The following ZMAT4 variants were observed in gnomAD, a reference collection of about 807,000 sequenced individuals.
The protein encoded by ZMAT4 is zinc finger matrin-type 4.
A neutral mutation model predicts 28.7 loss-of-function variants in ZMAT4; 17 were observed. The observed-to-expected ratio is 0.59, with a 90% confidence interval of 0.41 to 0.89. The LOEUF (loss-of-function observed/expected upper bound fraction) is 0.89. Ranked by LOEUF, ZMAT4 falls within the 40% of genes least tolerant of loss-of-function variation. The pLI is 0.00. For missense variants in ZMAT4, 240 were observed against 283.8 expected, an observed-to-expected ratio of 0.85 and a Z score of 1.11; for synonymous variants, 117 against 109.2, an observed-to-expected ratio of 1.07 and a Z score of -0.44.
intron 6 of ZMAT4, among the ~76,000 whole-genome samples, chr8:40,551,588 G>T (rs17556346): frequency 6.6e-6 from 1 of 152,048 alleles, no homozygotes; most frequent in Non-Finnish European, 1.5e-5. Context: ...ACCTCTGAGC[G>T]GGACAGATCT....
At chr8:40,737,661 G>C (rs111823174) in intron 3 of ZMAT4, among the ~76,000 whole-genome samples, 1 of 152,172 alleles carries the variant, frequency 6.6e-6, no homozygotes, top group African/African-American at 2.4e-5. Flanking sequence ...TAAATGAGAT[G>C]AGAAGCCTGC....
At chr8:40,790,658 T>C (rs1814286029) in intron 2 of ZMAT4, among the ~76,000 whole-genome samples, 1 of 152,138 alleles carries the variant, frequency 6.6e-6, no homozygotes, top group Admixed American at 6.5e-5. Flanking sequence ...TTGAGAGATA[T>C]ATTAATACTA....
chr8:40,590,474 G>C (rs776307985), intron 5 of ZMAT4, among the ~76,000 whole-genome samples: 7 of 151,970 alleles, frequency 4.6e-5, no homozygotes, highest in Non-Finnish European at 1.0e-4. Flanking sequence ...TTGTTTACCA[G>C]GCTGAAAATC....
intron 2 of ZMAT4, among the ~76,000 whole-genome samples, chr8:40,822,054 C>T (rs895924035): frequency 5.9e-5 from 9 of 152,182 alleles, no homozygotes; most frequent in African/African-American, 1.4e-4. Context: ...GTTAACAGCA[C>T]GATGTAATGT....
intron 3 of ZMAT4, among the ~76,000 whole-genome samples, chr8:40,749,292 C>T (rs989325161): frequency 1.3e-4 from 20 of 152,214 alleles, no homozygotes; most frequent in African/African-American, 4.8e-4. Context: ...GAGCACCTGT[C>T]TCTCACCACA....
At chr8:40,704,536 A>C (rs1221795754) in intron 3 of ZMAT4, among the ~76,000 whole-genome samples, 1 of 152,190 alleles carries the variant, frequency 6.6e-6, no homozygotes, top group East Asian at 1.9e-4. Context: ...CCTGCCCTTT[A>C]ATTGCTTTAT....
At chr8:40,573,767 G>A (rs924476309) in intron 6 of ZMAT4, among the ~76,000 whole-genome samples, 1 of 152,006 alleles carries the variant, frequency 6.6e-6, no homozygotes, top group African/African-American at 2.4e-5. Context: ...TCATGAGCAA[G>A]GGCATGGAAA....
chr8:40,690,760 G>A, intron 4 of ZMAT4: 1 of 289,612 alleles, frequency 3.5e-6, no homozygotes. Context: ...GCAATTCTGT[G>A]TCTGGCATGG....
chr8:40,897,408 C>T (rs1266635070), intron 1 of ZMAT4, among the ~76,000 whole-genome samples: 2 of 152,192 alleles, frequency 1.3e-5, no homozygotes, highest in African/African-American at 4.8e-5. Flanking sequence ...AATCTCCACC[C>T]CAGCCCTGCA....
chr8:40,754,675 A>G (rs1812600043), intron 3 of ZMAT4, among the ~76,000 whole-genome samples: 1 of 152,156 alleles, frequency 6.6e-6, no homozygotes, highest in South Asian at 2.1e-4. Context: ...CTGTCCTAGA[A>G]GACTCAGGAA....
chr8:40,776,005 G>A (rs991277729), intron 2 of ZMAT4, among the ~76,000 whole-genome samples: 4 of 152,136 alleles, frequency 2.6e-5, no homozygotes, highest in African/African-American at 9.7e-5. Context: ...GCCAGAAACC[G>A]ACCCTGCTGC....
At chr8:40,823,783 T>G (rs1176651731) in intron 2 of ZMAT4, among the ~76,000 whole-genome samples, 2 of 152,178 alleles carry the variant, frequency 1.3e-5, no homozygotes, top group African/African-American at 4.8e-5. Context: ...ACGATGGACT[T>G]TTTTAGATAA....
rs563460784 is a variant in ZMAT4 at position 40,746,198 on chromosome 8, A to G, written c.192+21443T>C. ...GGTTAACATCTCTTTCTTTCTTCCC[A>G]CCTTCCTTCCCTCCTTCCCTCCTTC... On this transcript the variant is annotated intron_variant, in intron 3 of 6. Coordinates refer to ENST00000297737, the MANE Select transcript of ZMAT4 (RefSeq NM_024645.3). 4.3e-3 allele frequency among the ~76,000 whole-genome samples: 579 copies of G among 133,598 alleles called. 1 individual carries two copies. The highest frequency in any genetic ancestry group is 0.023 in the Middle Eastern group (6 of 262). The allele number at this position is 133,598 out of a possible 152,430, so 87.6% of individuals were successfully genotyped here.
At chr8:40,831,580 T>C (rs1248358894) in intron 1 of ZMAT4, among the ~76,000 whole-genome samples, 1 of 152,198 alleles carries the variant, frequency 6.6e-6, no homozygotes. Flanking sequence ...CAGGTGAGCA[T>C]CCTTCTGTTA....
chr8:40,777,741 C>T (rs1261481588), intron 2 of ZMAT4, among the ~76,000 whole-genome samples: 2 of 152,172 alleles, frequency 1.3e-5, no homozygotes, highest in South Asian at 2.1e-4. Context: ...GTGTCCCCAC[C>T]CTTATGTGAA....
intron 5 of ZMAT4, among the ~76,000 whole-genome samples, chr8:40,594,431 G>GAATA (rs1177963988): frequency 1.3e-5 from 2 of 152,026 alleles, no homozygotes; most frequent in African/African-American, 4.8e-5. Flanking sequence ...AGAAATGAAG[G>GAATA]AATAACATAC....
At chr8:40,673,983 A>G (rs1808797018) in intron 5 of ZMAT4, among the ~76,000 whole-genome samples, 1 of 152,030 alleles carries the variant, frequency 6.6e-6, no homozygotes, top group South Asian at 2.1e-4. Context: ...GCTTGCTTCA[A>G]GTCATTAAAT....
At chr8:40,836,755 C>T (rs1414302180) in intron 1 of ZMAT4, among the ~76,000 whole-genome samples, 1 of 152,084 alleles carries the variant, frequency 6.6e-6, no homozygotes, top group East Asian at 1.9e-4. Flanking sequence ...ATGATGATTG[C>T]CTTAGGTTGG....
chr8:40,586,013 G>C (rs1035797085), intron 5 of ZMAT4, among the ~76,000 whole-genome samples: 1 of 152,138 alleles, frequency 6.6e-6, no homozygotes, highest in South Asian at 2.1e-4. Context: ...CAGTTCTCAC[G>C]CTCTGCAGCC....
Sources: gnomAD v4.1 joint callset for allele counts (sites outside exome capture counted in the v4.1 genomes callset) on GRCh38, gnomAD v4.1.1 for gene constraint, MANE v1.5 for transcripts, NCBI Gene and HGNC (gene_info 2026-07-23, HGNC 2026-07-21) for gene names.